The following CACNA1C variants were observed in gnomAD, a reference collection of about 807,000 sequenced individuals.
CACNA1C encodes voltage-dependent L-type calcium channel subunit alpha-1C.
In CACNA1C, 30 loss-of-function variants were observed where a neutral mutation model predicts 229.0. The observed-to-expected ratio is 0.13, with a 90% CI of 0.10 to 0.18. The LOEUF (loss-of-function observed/expected upper bound fraction) is 0.18. CACNA1C is among the 10% of genes least tolerant of loss of function. The pLI, the probability that CACNA1C is intolerant of heterozygous loss-of-function variation, is 1.00. For missense variants in CACNA1C, 1,658 were observed against 2,845.0 expected (o/e 0.58, Z 9.49); for synonymous variants, 1,114 against 1,132.5 (o/e 0.98, Z 0.33).
chr12:2,536,111 T>G (rs1197245643), intron 9 of CACNA1C, among the ~76,000 whole-genome samples: 1 of 152,222 alleles, frequency 6.6e-6, no homozygotes, highest in East Asian at 1.9e-4. Context: ...TCTGTGGCTG[T>G]TCACGGCCTT....
At chr12:2,295,010 C>T (rs2093905025) in intron 3 of CACNA1C, among the ~76,000 whole-genome samples, 1 of 152,210 alleles carries the variant, frequency 6.6e-6, no homozygotes, top group Non-Finnish European at 1.5e-5. Context: ...CCTAGCCCTC[C>T]TTCGTCTTCC....
At chr12:2,042,509 G>A (rs1021643009) in intron 1 of CACNA1C, among the ~76,000 whole-genome samples, 9 of 152,124 alleles carry the variant, frequency 5.9e-5, no homozygotes, top group African/African-American at 1.7e-4. Flanking sequence ...TATGTTGTCC[G>A]ATTCAAGAGG....
At chr12:2,310,100 G>A (rs1486918892) in intron 3 of CACNA1C, among the ~76,000 whole-genome samples, 2 of 152,038 alleles carry the variant, frequency 1.3e-5, no homozygotes, top group African/African-American at 2.4e-5. Context: ...GCTACGAAGC[G>A]GAACACTTGC....
intron 3 of CACNA1C, among the ~76,000 whole-genome samples, chr12:2,230,353 A>C (rs763726280): frequency 6.6e-6 from 1 of 152,150 alleles, no homozygotes; most frequent in Non-Finnish European, 1.5e-5. Flanking sequence ...GTGGCGCGCA[A>C]GGTGCCTTGT....
chr12:2,663,518 C>T lies in CACNA1C; in HGVS notation c.4233-1307C>T, dbSNP rs187178830. ...TCATTATGTGAAAGAGACACCTGCA[C>T]ACACACATTTATAGCAGCACCATTT... On this transcript the variant is annotated intron_variant, in intron 34 of 46. Transcript: ENST00000399655. 7.5e-4 allele frequency among the ~76,000 whole-genome samples: 114 copies of T among 152,274 alleles called. 1 individual carries two copies. Among genetic ancestry groups the T allele is most frequent in the African/African-American group, 2.6e-3 (110 of 41,552 alleles).
At chr12:2,672,169 C>G (rs1449179244) in intron 38 of CACNA1C, 2 of 152,164 alleles carry the variant, frequency 1.3e-5, no homozygotes, top group Non-Finnish European at 2.9e-5. Flanking sequence ...CAGTACCAAG[C>G]CAAAGAAGCT....
intron 3 of CACNA1C, among the ~76,000 whole-genome samples, chr12:2,161,979 A>G (rs1424087718): frequency 6.6e-6 from 1 of 152,178 alleles, no homozygotes; most frequent in Non-Finnish European, 1.5e-5. Flanking sequence ...TTCTCGTGAT[A>G]TGTTCTAATT....
At chr12:2,506,733 C>T (rs2099772689) in intron 8 of CACNA1C, among the ~76,000 whole-genome samples, 1 of 152,116 alleles carries the variant, frequency 6.6e-6, no homozygotes, top group Non-Finnish European at 1.5e-5. Context: ...CTCAAGGCAC[C>T]GCCTCCCATG....
In CACNA1C at chr12:2,053,190, G is replaced by T; in HGVS notation, c.-373G>T. The T allele has an allele frequency of 1.0e-6, 1 of 1,000,258 alleles. No homozygotes were observed. The highest frequency in any genetic ancestry group is 1.2e-6 in the Non-Finnish European group (1 of 840,048). The allele number at this position is 1,000,258 out of a possible 1,614,324, so 62.0% of individuals were successfully genotyped here. Reference sequence around the variant, plus strand: ...GGCGCCTCGGCCCCTGCCGGCCCAGGCGGGCCCCGCGCGCCCCCCGCCCCT... The same window carrying T: ...GGCGCCTCGGCCCCTGCCGGCCCAGTCGGGCCCCGCGCGCCCCCCGCCCCT... On this transcript the variant is annotated 5_prime_UTR_variant, in exon 1 of 47. Transcript: ENST00000399655. This position sits in a 1 kb window ranked among gnomAD's most constrained non-coding sequence, Gnocchi z 5.8.
intron 3 of CACNA1C, among the ~76,000 whole-genome samples, chr12:2,360,811 G>A (rs113749781): frequency 0.041 from 6,264 of 152,166 alleles, 418 homozygotes; most frequent in African/African-American, 0.14. Flanking sequence ...GTAATATTTC[G>A]TAGTGAAGTA....
At chr12:2,126,414 C>G (rs772453731) in intron 3 of CACNA1C, among the ~76,000 whole-genome samples, 1 of 152,230 alleles carries the variant, frequency 6.6e-6, no homozygotes, top group African/African-American at 2.4e-5. Flanking sequence ...GTCTGTTGAA[C>G]AAGCTCTGCA....
chr12:2,528,400 TC>T (rs751164654), intron 9 of CACNA1C, among the ~76,000 whole-genome samples: 2 of 152,220 alleles, frequency 1.3e-5, no homozygotes, highest in Non-Finnish European at 2.9e-5. Context: ...TTCAGTTGAT[TC>T]TAGCTTCTTA....
At chr12:2,256,876 T>A (rs1039114733) in intron 3 of CACNA1C, among the ~76,000 whole-genome samples, 1 of 152,178 alleles carries the variant, frequency 6.6e-6, no homozygotes, top group African/African-American at 2.4e-5. Context: ...CATGCTACCT[T>A]TTAAAATAGT....
chr12:2,040,707 A>G (rs988614361), intron 1 of CACNA1C, among the ~76,000 whole-genome samples: 1 of 152,262 alleles, frequency 6.6e-6, no homozygotes, highest in Admixed American at 6.5e-5. Context: ...AGGTTGGACC[A>G]AGAAAGATTA....
intron 1 of CACNA1C, among the ~76,000 whole-genome samples, chr12:1,979,156 G>A (rs1402920854): frequency 3.9e-5 from 6 of 152,142 alleles, no homozygotes; most frequent in South Asian, 4.1e-4. Flanking sequence ...GGGATTACAC[G>A]TGCCCGCCAT....
In CACNA1C at chr12:2,646,012, C is replaced by T. The variant is rs2094318566; in HGVS notation, c.3913-2463C>T. The stretch of plus-strand genomic sequence containing the variant: ...CTTTCTACTGTCCTCATAGCTGCTC[C>T]TGACTTTCTCTTGTCTGCCATTATA... On this transcript the variant is annotated intron_variant, in intron 30 of 46. Coordinates refer to ENST00000399655, the MANE Select transcript of CACNA1C (RefSeq NM_000719.7). This position sits in a 1 kb window ranked among gnomAD's most constrained non-coding sequence, Gnocchi z 4.6. Among the ~76,000 whole-genome samples, 1 of 152,162 alleles carries T rather than the reference C, an allele frequency of 6.6e-6. No homozygotes were observed. Among genetic ancestry groups the T allele is most frequent in the African/African-American group, 2.4e-5 (1 of 41,448 alleles).
At chr12:2,550,716 T>C in intron 10 of CACNA1C, 4 of 1,254,314 alleles carry the variant, frequency 3.2e-6, no homozygotes, top group Non-Finnish European at 4.2e-6. Flanking sequence ...GGGCGGCATC[T>C]CCCTTCCCTC....
intron 1 of CACNA1C, among the ~76,000 whole-genome samples, chr12:2,075,049 T>A (rs2062700486): frequency 6.6e-6 from 1 of 152,202 alleles, no homozygotes; most frequent in Non-Finnish European, 1.5e-5. Context: ...CATAAATCAG[T>A]TCCCTGAGTG....
chr12:2,442,218 G>A (rs2099235574), intron 3 of CACNA1C, among the ~76,000 whole-genome samples: 1 of 152,102 alleles, frequency 6.6e-6, no homozygotes, highest in African/African-American at 2.4e-5. Flanking sequence ...AAGATAAATT[G>A]GAAAACTAGG....
Sources: gnomAD v4.1 joint callset for allele counts (sites outside exome capture counted in the v4.1 genomes callset) on GRCh38, gnomAD v4.1.1 for gene constraint, Gnocchi (gnomAD v3.1) non-coding constraint, MANE v1.5 for transcripts, NCBI Gene and HGNC (gene_info 2026-07-23, HGNC 2026-07-21) for gene names.